Variants in KIAA0319L observed in about 807,000 individuals in gnomAD.
KIAA0319L encodes the protein KIAA0319 like.
In KIAA0319L, 55 loss-of-function variants were observed where a neutral mutation model predicts 120.1. That is an observed-to-expected ratio of 0.46 (90% confidence interval 0.37 to 0.57). KIAA0319L has a LOEUF of 0.57. Ranked by LOEUF, KIAA0319L falls within the 20% of genes least tolerant of loss-of-function variation. The probability of loss-of-function intolerance (pLI) is 0.00; values close to 1 mark genes in which losing one functional copy is unlikely to be tolerated. For missense variants in KIAA0319L, 1,049 were observed against 1,255.3 expected (o/e 0.84, Z 2.48); for synonymous variants, 398 against 471.9 (o/e 0.84, Z 2.03).
chr1:35,516,256 A>C (rs936916429), intron 2 of KIAA0319L, among the ~76,000 whole-genome samples: 6 of 152,104 alleles, frequency 3.9e-5, no homozygotes, highest in African/African-American at 1.4e-4. Flanking sequence ...AAGAAAGAAA[A>C]CTTCAGGCCA....
Position 35,506,477 on chromosome 1 carries a change from T to G in KIAA0319L, c.666+135A>C, listed in dbSNP as rs961656628. The stretch of plus-strand genomic sequence containing the variant: ...TACATCTGGGCAGCACCAAAGAAGC[T>G]GACACCAAGCAGCTTTATATATACA... On this transcript the variant is annotated intron_variant, in intron 3 of 20. Coordinates refer to ENST00000325722, the MANE Select transcript of KIAA0319L (RefSeq NM_024874.5). The surrounding 1 kb of genome is among the most constrained non-coding windows in gnomAD (Gnocchi z 4.0). 7.3e-6 allele frequency: 6 copies of G among 818,452 alleles called. No homozygotes were observed. The African/African-American group carries it at 1.0e-4, about 14-fold the overall frequency. The allele number at this position is 818,452 out of a possible 1,614,324, so 50.7% of individuals were successfully genotyped here.
intron 2 of KIAA0319L, among the ~76,000 whole-genome samples, chr1:35,547,299 G>C (rs1347300784): frequency 6.8e-6 from 1 of 148,126 alleles, no homozygotes; most frequent in Non-Finnish European, 1.5e-5. Context: ...ACATATAGTG[G>C]AGTGGAATTA....
intron 9 of KIAA0319L, among the ~76,000 whole-genome samples, chr1:35,459,024 A>G (rs1412146794): frequency 2.0e-5 from 3 of 152,206 alleles, no homozygotes; most frequent in Non-Finnish European, 2.9e-5. Context: ...TGTCTCTGGC[A>G]CCATCTAAAA....
intron 2 of KIAA0319L, among the ~76,000 whole-genome samples, chr1:35,514,327 A>G (rs1645591188): frequency 6.6e-6 from 1 of 151,622 alleles, no homozygotes; most frequent in Non-Finnish European, 1.5e-5. Context: ...ATTTACGAAC[A>G]TTTACTGTGT....
chr1:35,478,937 CTTCT>C (rs751864550), intron 4 of KIAA0319L, 25 bp downstream of exon 4: 2 of 1,602,854 alleles, frequency 1.2e-6, no homozygotes, highest in South Asian at 2.2e-5. Flanking sequence ...CTACTTTTTC[CTTCT>C]ATCTCCAAGA....
Position 35,494,112 on chromosome 1 carries a change from G to A in KIAA0319L, c.666+12500C>T, listed in dbSNP as rs141966666. ...AGGACATGCAAAAAACCTAAAATGGGCAATTTTGATCAAGAACAAAGTTTT... is the reference window on the plus strand; with the variant it reads ...AGGACATGCAAAAAACCTAAAATGGACAATTTTGATCAAGAACAAAGTTTT... On this transcript the variant is annotated intron_variant, in intron 3 of 20. Transcript: ENST00000325722. Among the ~76,000 whole-genome samples, 12 of 152,130 alleles carry A rather than the reference G, an allele frequency of 7.9e-5. No individual in the cohort carries two copies. The East Asian group carries it at 2.1e-3, about 27-fold the overall frequency.
chr1:35,494,344 G>C (rs1216499444), intron 3 of KIAA0319L, among the ~76,000 whole-genome samples: 1 of 152,018 alleles, frequency 6.6e-6, no homozygotes, highest in Non-Finnish European at 1.5e-5. Context: ...AGCTACTCAA[G>C]AGGCTGAGGC....
chr1:35,526,435 A>G (rs59404961), intron 2 of KIAA0319L, among the ~76,000 whole-genome samples: 15,898 of 144,718 alleles, frequency 0.11, 1,907 homozygotes, highest in East Asian at 0.43. Flanking sequence ...ATATATGTAT[A>G]TATATATATA....
intron 2 of KIAA0319L, among the ~76,000 whole-genome samples, chr1:35,511,758 C>G (rs981310428): frequency 1.9e-4 from 29 of 152,140 alleles, no homozygotes; most frequent in African/African-American, 6.3e-4. Context: ...AGTGAAATAG[C>G]TGAAGAACCT....
At chr1:35,521,004 A>T (rs1048812019) in intron 2 of KIAA0319L, among the ~76,000 whole-genome samples, 28 of 152,380 alleles carry the variant, frequency 1.8e-4, no homozygotes, top group African/African-American at 6.7e-4. Context: ...ATAGAAAATA[A>T]TTGGAAACAA....
intron 2 of KIAA0319L, among the ~76,000 whole-genome samples, chr1:35,528,773 G>C (rs1054314476): frequency 3.3e-5 from 5 of 152,036 alleles, no homozygotes; most frequent in African/African-American, 1.2e-4. Flanking sequence ...TATTTGCTTT[G>C]GGTGAACTGG....
At chr1:35,534,031 A>G (rs894223533) in intron 2 of KIAA0319L, among the ~76,000 whole-genome samples, 2 of 152,230 alleles carry the variant, frequency 1.3e-5, no homozygotes, top group African/African-American at 4.8e-5. Context: ...AAAAAAGCCA[A>G]GGTAATAACC....
At chr1:35,450,563 T>A in intron 13 of KIAA0319L, 54 bp from the exon 14 acceptor site, 1 of 1,526,580 alleles carries the variant, frequency 6.6e-7, no homozygotes, top group Middle Eastern at 1.8e-4. Context: ...AGAAGAAATG[T>A]TTCTTCATGA....
At chr1:35,531,711 C>A (rs929543863) in intron 2 of KIAA0319L, among the ~76,000 whole-genome samples, 9 of 152,150 alleles carry the variant, frequency 5.9e-5, no homozygotes, top group Non-Finnish European at 1.0e-4. Flanking sequence ...TGGCTCCCAG[C>A]CAATCTTGCC....
At chr1:35,552,607 G>T (rs1445993029) in intron 2 of KIAA0319L, among the ~76,000 whole-genome samples, 1 of 152,150 alleles carries the variant, frequency 6.6e-6, no homozygotes, top group Non-Finnish European at 1.5e-5. Flanking sequence ...ACAATTAGGA[G>T]TCTGGTATGT....
At chr1:35,485,622 T>C (rs755294217) in intron 3 of KIAA0319L, among the ~76,000 whole-genome samples, 3 of 152,172 alleles carry the variant, frequency 2.0e-5, no homozygotes, top group Non-Finnish European at 2.9e-5. Flanking sequence ...TCCCATTTAG[T>C]TTCTGGCAGG....
At chr1:35,458,878 C>T (rs547992044) in intron 9 of KIAA0319L, among the ~76,000 whole-genome samples, 2 of 151,826 alleles carry the variant, frequency 1.3e-5, no homozygotes, top group South Asian at 2.1e-4. Context: ...TTTTAAGCGA[C>T]GTAGAAGGCT....
chr1:35,443,927 A>G, intron 17 of KIAA0319L: 1 of 363,518 alleles, frequency 2.8e-6, no homozygotes, highest in Non-Finnish European at 4.9e-6. Flanking sequence ...AAAGATGTAA[A>G]TTTTTCCCCA....
At chr1:35,537,433 G>T (rs2148483970) in intron 2 of KIAA0319L, among the ~76,000 whole-genome samples, 2 of 145,600 alleles carry the variant, frequency 1.4e-5, no homozygotes, top group South Asian at 2.2e-4. Context: ...TAAAGAGAAG[G>T]TCATTTAGAG....
Sources: allele counts gnomAD v4.1 joint callset (sites outside exome capture counted in the v4.1 genomes callset), GRCh38; gene constraint gnomAD v4.1.1; non-coding constraint Gnocchi (gnomAD v3.1); transcripts MANE v1.5; gene names NCBI Gene and HGNC (gene_info 2026-07-23, HGNC 2026-07-21).